TBCCD1: variants seen among roughly 807,000 people sequenced by gnomAD.
TBCCD1 encodes the protein TBCC domain-containing protein 1.
In TBCCD1, 26 loss-of-function variants were observed where a neutral mutation model predicts 53.4. The ratio of observed to expected loss-of-function variants is 0.49; its 90% CI spans 0.36 to 0.68. TBCCD1 has a LOEUF of 0.68. Among genes scored for constraint, TBCCD1 ranks in the 30% least tolerant of loss-of-function variants. The pLI is 0.00. For missense variants in TBCCD1, 558 were observed against 669.5 expected (o/e 0.83, Z 1.84); for synonymous variants, 245 against 241.7 (o/e 1.01, Z -0.13).
At chr3:186,566,764 A>C (rs1369222630) in intron 1 of TBCCD1, among the ~76,000 whole-genome samples, 1 of 152,196 alleles carries the variant, frequency 6.6e-6, no homozygotes, top group African/African-American at 2.4e-5. Context: ...GGAAGGGCAA[A>C]AGGCAGCTGT....
Position 186,555,096 on chromosome 3 carries a change from A to G in TBCCD1, c.860-12T>C. The G allele has an allele frequency of 6.3e-7, 1 of 1,588,356 alleles. No homozygotes were observed. The highest frequency in any genetic ancestry group is 1.8e-5 in the Admixed American group (1 of 55,188). On this transcript the variant is annotated splice_polypyrimidine_tract_variant and intron_variant, in intron 4 of 7. Transcript: ENST00000338733. The stretch of plus-strand genomic sequence containing the variant: ...GGTGGTCCCTTCAACTATTTAAGAA[A>G]ACATATAAATAGATGAGGCAGTATC...
At chr3:186,550,487 G>A (rs1254273600) in intron 7 of TBCCD1, among the ~76,000 whole-genome samples, 1 of 151,816 alleles carries the variant, frequency 6.6e-6, no homozygotes, top group Non-Finnish European at 1.5e-5. Context: ...TCCGGAGACT[G>A]AGGTGCGAGA....
upstream of TBCCD1, among the ~76,000 whole-genome samples, chr3:186,567,935 T>A (rs1714887031): frequency 6.6e-6 from 1 of 152,220 alleles, no homozygotes; most frequent in Non-Finnish European, 1.5e-5. Flanking sequence ...TTTTTCAGAT[T>A]ACCGGGCAGA....
At chr3:186,559,735 G>A (rs944404535) in intron 2 of TBCCD1, among the ~76,000 whole-genome samples, 1 of 152,142 alleles carries the variant, frequency 6.6e-6, no homozygotes, top group African/African-American at 2.4e-5. Context: ...TTGAACTTCT[G>A]AGATAACTGT....
At chr3:186,567,072 T>C (rs1315405772) in intron 1 of TBCCD1, among the ~76,000 whole-genome samples, 195 bp downstream of exon 1, 1 of 152,208 alleles carries the variant, frequency 6.6e-6, no homozygotes, top group Non-Finnish European at 1.5e-5. Context: ...CGCCGCCACC[T>C]TGGACGCGAT....
At chr3:186,548,098 A>C (rs1180170886) in intron 7 of TBCCD1, among the ~76,000 whole-genome samples, 1 of 152,218 alleles carries the variant, frequency 6.6e-6, no homozygotes, top group African/African-American at 2.4e-5. Flanking sequence ...TACTCACAAC[A>C]GCTGAAAAGT....
intron 6 of TBCCD1, among the ~76,000 whole-genome samples, chr3:186,552,660 T>A (rs1432911419): frequency 6.6e-6 from 1 of 152,192 alleles, no homozygotes. Flanking sequence ...TAGTCCTGCT[T>A]CCTAGAACTC....
At chr3:186,562,016 A>G (rs1205987704) in intron 2 of TBCCD1, among the ~76,000 whole-genome samples, 1 of 152,210 alleles carries the variant, frequency 6.6e-6, no homozygotes, top group Non-Finnish European at 1.5e-5. Flanking sequence ...CTTGGCATGC[A>G]TATATAATGG....
upstream of TBCCD1, chr3:186,570,303 G>A (rs1228550296): frequency 9.2e-6 from 5 of 540,942 alleles, no homozygotes; most frequent in South Asian, 5.3e-5. Flanking sequence ...CATTCGGAGC[G>A]TAGCTGGGTA....
chr3:186,557,650 A>G (rs1180782009), intron 3 of TBCCD1, among the ~76,000 whole-genome samples: 1 of 152,218 alleles, frequency 6.6e-6, no homozygotes, highest in Non-Finnish European at 1.5e-5. Flanking sequence ...CCCAGACAGA[A>G]TAGCTGCTTG....
Position 186,554,937 on chromosome 3 carries a change from C to T in TBCCD1, c.1007G>A (p.Arg336His), listed in dbSNP as rs373416994. The T allele has an allele frequency of 6.7e-5, 108 of 1,613,566 alleles. No individual in the cohort carries two copies. The highest frequency in any genetic ancestry group is 8.6e-5 in the Non-Finnish European group (101 of 1,180,006). Residue 336 changes from arginine (R) to histidine (H), a missense_variant, in exon 5 of 8, where the codon CGT becomes CAT. Arg to His is a conservative substitution (Grantham distance 29). Transcript: ENST00000338733. Reference sequence around the variant, plus strand: ...CAGATATATAAAAGATTCGTTGCAACGATGAATCTTTACATGTGCCCCCGC... The same window carrying T: ...CAGATATATAAAAGATTCGTTGCAATGATGAATCTTTACATGTGCCCCCGC... ...TLAGAHVKIH[R>H]CNESFIYLLS...
At position 186,567,249 on chromosome 3, in the gene TBCCD1, C is replaced by T. The variant is rs907248347; in HGVS notation, c.-44+18G>A. On this transcript the variant is annotated intron_variant, in intron 1 of 7. Coordinates refer to ENST00000338733, the MANE Select transcript of TBCCD1 (RefSeq NM_018138.5). ...CTAACCCACACCGCCCTCCCCGGCG[C>T]ACCCAGTGCGCGGTTACCTGCTAAT... The T allele has an allele frequency of 1.3e-5, 2 of 152,358 alleles. No homozygotes were observed. The highest frequency in any genetic ancestry group is 4.1e-4 in the South Asian group (2 of 4,842). The allele number at this position is 152,358 out of a possible 1,614,324, so 9.4% of individuals were successfully genotyped here.
Position 186,556,399 on chromosome 3 carries a change from TA to T in TBCCD1, c.859+9del. ...TTCAATTTAATGTAGATTAAAATAT[TA>T]AAAAATACCTTGATGAGCCCAAGCC... On this transcript the variant is annotated intron_variant, in intron 4 of 7. Coordinates refer to ENST00000338733, the MANE Select transcript of TBCCD1 (RefSeq NM_018138.5). 6.3e-7 allele frequency: 1 copy of T among 1,576,490 alleles called. No individual in the cohort carries two copies. Among genetic ancestry groups the T allele is most frequent in the African/African-American group, 1.4e-5 (1 of 72,360 alleles).
Position 186,564,051 on chromosome 3 carries a change from C to T in TBCCD1, c.279G>A (p.Trp93Ter). The change falls in exon 2 of 8, where the codon TGG becomes TGA. Residue 93 changes from tryptophan (W) to a stop codon, truncating the protein, a stop_gained. Coordinates refer to ENST00000338733, the MANE Select transcript of TBCCD1 (RefSeq NM_018138.5). LOFTEE classifies it high-confidence loss of function. ...SMKTPEERLEWSEVLSNCMSE... is the reference protein window; with the variant it reads ...SMKTPEERLE ...ACATGCAGTTGGACAGAACCTCAGA[C>T]CATTCCAGGCGCTCCTCAGGTGTCT... 1 of 1,614,178 alleles carries T rather than the reference C, an allele frequency of 6.2e-7. No homozygotes were observed. Among genetic ancestry groups the T allele is most frequent in the Non-Finnish European group, 8.5e-7 (1 of 1,180,040 alleles).
At position 186,564,498 on chromosome 3, in the gene TBCCD1, C is replaced by T. The variant is rs76023802; in HGVS notation, c.-43-126G>A. 1.9e-3 allele frequency: 1,159 copies of T among 600,114 alleles called. 15 individuals are homozygous for T. The African/African-American group carries it at 0.02, about 10-fold the overall frequency. 37.2% of individuals were successfully genotyped at this position (600,114 alleles called of 1,614,324 possible). A position where few individuals can be genotyped will look rare whatever the true frequency, so the allele number is the denominator to read the frequency against. On this transcript the variant is annotated intron_variant, in intron 1 of 7. Transcript: ENST00000338733. ...TACATCATCATCTTAAAAGGCAGCT[C>T]TAGTTCACCAACCAAGAGCAGAACA...
chr3:186,556,121 C>T (rs1371994438), intron 4 of TBCCD1, among the ~76,000 whole-genome samples: 4 of 151,922 alleles, frequency 2.6e-5, no homozygotes, highest in Admixed American at 6.6e-5. Flanking sequence ...TTATTACATA[C>T]GTTTACTTTT....
At chr3:186,568,730 G>C (rs547168346), upstream of TBCCD1, among the ~76,000 whole-genome samples, 21 of 152,014 alleles carry the variant, frequency 1.4e-4, no homozygotes, top group Admixed American at 1.2e-3. Flanking sequence ...GTTAAACCCA[G>C]TCTCTACTAA....
chr3:186,566,585 T>C (rs1354914237), intron 1 of TBCCD1, among the ~76,000 whole-genome samples: 1 of 152,240 alleles, frequency 6.6e-6, no homozygotes, highest in Non-Finnish European at 1.5e-5. Flanking sequence ...TAGATTAGGA[T>C]TCAGGTCTGA....
rs915480965 is a variant in TBCCD1, at chr3:186,556,267, G to C, written c.859+142C>G. On this transcript the variant is annotated intron_variant, in intron 4 of 7. Coordinates refer to ENST00000338733, the MANE Select transcript of TBCCD1 (RefSeq NM_018138.5). ...TTGAGAGAAAAAGTCATGCACAAAA[G>C]ACAGATGTTCCTTTTTCTCTTTTAT... 4.4e-5 allele frequency: 39 copies of C among 883,090 alleles called. No homozygotes were observed. In the African/African-American group the frequency reaches 6.6e-4, roughly 15 times the overall value. 54.7% of individuals were successfully genotyped at this position (883,090 alleles called of 1,614,324 possible).
Sources: gnomAD v4.1 joint callset for allele counts (sites outside exome capture counted in the v4.1 genomes callset) on GRCh38, gnomAD v4.1.1 for gene constraint, MANE v1.5 for transcripts, NCBI Gene and HGNC (gene_info 2026-07-23, HGNC 2026-07-21) for gene names.